Variants in CTBP2 observed in about 807,000 individuals in gnomAD.
CTBP2 encodes the protein C-terminal binding protein 2, also known as C-terminal-binding protein 2.
A neutral mutation model predicts 80.3 loss-of-function variants in CTBP2; 30 were observed. That is an observed-to-expected ratio of 0.37 (90% CI 0.28 to 0.51). The LOEUF is 0.51. Ranked by LOEUF, CTBP2 falls within the 20% of genes least tolerant of loss-of-function variation. The pLI is 0.93. For missense variants in CTBP2, 1,212 were observed against 1,375.3 expected (o/e 0.88, Z 1.88); for synonymous variants, 594 against 587.4 (o/e 1.01, Z -0.16).
chr10:125,039,077 T>C (rs376579397), exon 3 of CTBP2: 3 of 1,609,454 alleles, frequency 1.9e-6, no homozygotes, highest in Non-Finnish European at 2.5e-6. Flanking sequence ...TTTGCAACTC[T>C]CAGATCAAAA....
chr10:124,994,390 C>G, intron 5 of CTBP2, 79 bp downstream of exon 7: 2 of 1,415,368 alleles, frequency 1.4e-6, no homozygotes, highest in South Asian at 1.2e-5. Flanking sequence ...CTCCGTTGCC[C>G]TCCGTGTCCC....
At chr10:125,126,555 A>G (rs1590948104) in intron 1 of CTBP2, among the ~76,000 whole-genome samples, 1 of 152,148 alleles carries the variant, frequency 6.6e-6, no homozygotes, top group Non-Finnish European at 1.5e-5. Context: ...CCACAGATGA[A>G]CCGAAATACA....
rs1418301961 is a variant in CTBP2, at chr10:124,988,067, T to C, written c.*1451A>G. On this transcript the variant is annotated 3_prime_UTR_variant, in exon 9 of 9. Transcript: ENST00000309035. ...CAGAACTCTAAAAGTTGAGCAACTT[T>C]GTTTTTTTTTGAATTGATTTAGCAC... 6.8e-6 allele frequency: 1 copy of C among 146,082 alleles called. No individual in the cohort carries two copies. The highest frequency in any genetic ancestry group is 1.5e-5 in the Non-Finnish European group (1 of 66,588). 9.0% of individuals were successfully genotyped at this position (146,082 alleles called of 1,614,324 possible).
chr10:125,048,099 C>G (rs1428559027), intron 2 of CTBP2, among the ~76,000 whole-genome samples: 1 of 152,166 alleles, frequency 6.6e-6, no homozygotes, highest in Admixed American at 6.5e-5. Flanking sequence ...GTCCAGAATG[C>G]TTGTATAAGG....
At chr10:125,105,189 C>T (rs1412047873) in intron 2 of CTBP2, among the ~76,000 whole-genome samples, 1 of 152,118 alleles carries the variant, frequency 6.6e-6, no homozygotes, top group African/African-American at 2.4e-5. Flanking sequence ...CCTCTGTCAC[C>T]CAAGGCTGAG....
At chr10:125,133,111 C>T (rs1210280644) in intron 1 of CTBP2, among the ~76,000 whole-genome samples, 1 of 152,184 alleles carries the variant, frequency 6.6e-6, no homozygotes, top group Non-Finnish European at 1.5e-5. Flanking sequence ...CAGAAGAAAG[C>T]TCTAGATCCC....
At position 124,985,186 on chromosome 10, in the gene CTBP2, G is replaced by C. The variant is rs1952005777; in HGVS notation, c.*4332C>G. 2 of 512,254 alleles carry C rather than the reference G, an allele frequency of 3.9e-6. No individual in the cohort carries two copies. Among genetic ancestry groups the C allele is most frequent in the Non-Finnish European group, 6.9e-6 (2 of 291,148 alleles). 31.7% of individuals were successfully genotyped at this position (512,254 alleles called of 1,614,324 possible). A position where few individuals can be genotyped will look rare whatever the true frequency, so the allele number is the denominator to read the frequency against. On this transcript the variant is annotated 3_prime_UTR_variant, in exon 9 of 9. Transcript: ENST00000309035. Reference sequence around the variant, plus strand: ...CTGCGTGAGGAGACAGAGAACTTTAGTTGGACTACAGTTTGTAAAAAAAAC... The same window carrying C: ...CTGCGTGAGGAGACAGAGAACTTTACTTGGACTACAGTTTGTAAAAAAAAC...
At chr10:125,098,696 G>GAGAC (rs1564913992) in intron 2 of CTBP2, among the ~76,000 whole-genome samples, 15 of 125,272 alleles carry the variant, frequency 1.2e-4, no homozygotes, top group African/African-American at 3.4e-4. Flanking sequence ...GAGAGAGAGA[G>GAGAC]AGAGAGAGAG....
At chr10:125,076,639 G>A (rs929399810) in intron 2 of CTBP2, among the ~76,000 whole-genome samples, 1 of 152,162 alleles carries the variant, frequency 6.6e-6, no homozygotes, top group African/African-American at 2.4e-5. Flanking sequence ...TCCTGCCACC[G>A]ACCTGACGTG....
At chr10:125,006,037 C>T in intron 1 of CTBP2, 2 of 1,397,676 alleles carry the variant, frequency 1.4e-6, no homozygotes, top group Non-Finnish European at 9.3e-7. Context: ...GCAGCATCAT[C>T]AGTGCATGGA....
At chr10:124,994,060 A>C (rs1589916608) in intron 5 of CTBP2, 75 bp from the exon 8 acceptor site, 2 of 1,578,380 alleles carry the variant, frequency 1.3e-6, no homozygotes, top group Admixed American at 1.8e-5. Context: ...TTTAAAGAAG[A>C]AAGCTGCAAG....
chr10:125,069,616 T>C (rs956146619), intron 2 of CTBP2, among the ~76,000 whole-genome samples: 15 of 152,014 alleles, frequency 9.9e-5, no homozygotes, highest in African/African-American at 3.6e-4. Flanking sequence ...TGAGACTTCA[T>C]CTCAAACAAA....
intron 2 of CTBP2, among the ~76,000 whole-genome samples, chr10:125,102,528 G>A (rs947047929): frequency 1.3e-5 from 2 of 152,330 alleles, no homozygotes; most frequent in Middle Eastern, 3.4e-3. Flanking sequence ...AGGGGGGTGG[G>A]GATCAGAGCA....
intron 2 of CTBP2, among the ~76,000 whole-genome samples, chr10:125,053,158 C>T (rs776827983): frequency 2.5e-4 from 38 of 152,280 alleles, no homozygotes; most frequent in Admixed American, 7.2e-4. Context: ...ACGGGGCCAC[C>T]GAAGCCAAGG....
chr10:125,005,479 C>T, intron 1 of CTBP2: 5 of 1,474,768 alleles, frequency 3.4e-6, no homozygotes, highest in Non-Finnish European at 4.6e-6. Flanking sequence ...TCCTTCTGCA[C>T]CAGGAAAACA....
At chr10:125,037,931 T>A (rs1476082116) in intron 3 of CTBP2, among the ~76,000 whole-genome samples, 1 of 152,212 alleles carries the variant, frequency 6.6e-6, no homozygotes, top group African/African-American at 2.4e-5. Flanking sequence ...GAAAACTGAA[T>A]GGAATATTGG....
chr10:125,079,150 GAAAAAAAAAAA>G (rs58370199), intron 2 of CTBP2, among the ~76,000 whole-genome samples: 29 of 101,162 alleles, frequency 2.9e-4, no homozygotes, highest in African/African-American at 1.1e-3. Context: ...TTGTCTCGAG[GAAAAAAAAAAA>G]AAAAAAAAAA....
intron 2 of CTBP2, among the ~76,000 whole-genome samples, chr10:125,050,369 T>C (rs1220212446): frequency 2.0e-5 from 3 of 152,250 alleles, no homozygotes; most frequent in African/African-American, 7.2e-5. Flanking sequence ...AGAAAAATCT[T>C]AGTCTTATCC....
chr10:125,078,220 T>C (rs1305152523), intron 2 of CTBP2, among the ~76,000 whole-genome samples: 1 of 144,788 alleles, frequency 6.9e-6, no homozygotes, highest in Non-Finnish European at 1.5e-5. Flanking sequence ...GCGGAGCTTG[T>C]AGTGAGCCGA....
Sources: gnomAD v4.1 joint callset for allele counts (sites outside exome capture counted in the v4.1 genomes callset) on GRCh38, gnomAD v4.1.1 for gene constraint, MANE v1.5 for transcripts, NCBI Gene and HGNC (gene_info 2026-07-23, HGNC 2026-07-21) for gene names.